Variants in CLEC16A observed in about 807,000 individuals in gnomAD.
The protein encoded by CLEC16A is protein CLEC16A.
Under a neutral mutation model 109.5 loss-of-function variants are expected in CLEC16A, and 51 were observed. The ratio of observed to expected loss-of-function variants is 0.47; its 90% CI spans 0.37 to 0.59. The LOEUF is 0.59. CLEC16A is among the 20% of genes least tolerant of loss of function. CLEC16A has a pLI of 0.00. For synonymous variants in CLEC16A, 673 were observed against 564.2 expected (o/e 1.19, Z -2.73); for missense variants, 1,339 against 1,394.0 (o/e 0.96, Z 0.63).
At chr16:11,102,656 C>G (rs1567320540) in intron 19 of CLEC16A, among the ~76,000 whole-genome samples, 1 of 152,206 alleles carries the variant, frequency 6.6e-6, no homozygotes, top group Non-Finnish European at 1.5e-5. Context: ...GGTCGGTTGC[C>G]CTGACTGAGG....
intron 11 of CLEC16A, among the ~76,000 whole-genome samples, chr16:11,006,185 C>T (rs534472651): frequency 8.5e-5 from 13 of 152,272 alleles, no homozygotes; most frequent in African/African-American, 1.9e-4. Context: ...GGGGCCAATG[C>T]TTGTGGGTAC....
intron 22 of CLEC16A, among the ~76,000 whole-genome samples, chr16:11,129,572 G>T (rs1213665904): frequency 6.6e-6 from 1 of 152,196 alleles, no homozygotes; most frequent in African/African-American, 2.4e-5. Flanking sequence ...CACACTTTGA[G>T]ACCCACTCCT....
At position 11,120,598 on chromosome 16, in the gene CLEC16A, C is replaced by T. The variant is rs2052332695; in HGVS notation, c.2117-17C>T. Reference sequence around the variant, plus strand: ...GCCAGACTGTGCCTCATTCTCTTCTCACCTTCCTCCTCCCAGATAACAGCG... The same window carrying T: ...GCCAGACTGTGCCTCATTCTCTTCTTACCTTCCTCCTCCCAGATAACAGCG... On this transcript the variant is annotated splice_polypyrimidine_tract_variant and intron_variant, in intron 19 of 23. Transcript: ENST00000409790. The T allele has an allele frequency of 5.0e-6, 8 of 1,600,528 alleles. No individual in the cohort carries two copies. Among genetic ancestry groups the T allele is most frequent in the Admixed American group, 1.7e-5 (1 of 59,206 alleles).
chr16:11,013,074 A>G (rs1195512292), intron 11 of CLEC16A, among the ~76,000 whole-genome samples: 1 of 152,158 alleles, frequency 6.6e-6, no homozygotes, highest in Non-Finnish European at 1.5e-5. Context: ...TAACATGTAC[A>G]TCTCTGGGAT....
intron 22 of CLEC16A, among the ~76,000 whole-genome samples, chr16:11,135,179 G>A (rs1035829352): frequency 6.6e-6 from 1 of 152,224 alleles, no homozygotes; most frequent in Non-Finnish European, 1.5e-5. Context: ...GCCTTCAAGT[G>A]GTGGGGCAGG....
chr16:11,011,078 G>C (rs1423332468), intron 11 of CLEC16A, among the ~76,000 whole-genome samples: 2 of 152,204 alleles, frequency 1.3e-5, no homozygotes, highest in Non-Finnish European at 2.9e-5. Context: ...GTGTTGCCCA[G>C]TTTCTGTATT....
At chr16:11,150,419 A>G (rs2054247904) in intron 22 of CLEC16A, 1 of 152,242 alleles carries the variant, frequency 6.6e-6, no homozygotes, top group Non-Finnish European at 1.5e-5. Flanking sequence ...TAGTATTCCA[A>G]AGCTTGGCTA....
At chr16:11,054,391 CGAT>C (rs1456873697) in intron 18 of CLEC16A, among the ~76,000 whole-genome samples, 1 of 152,240 alleles carries the variant, frequency 6.6e-6, no homozygotes, top group Non-Finnish European at 1.5e-5. Context: ...TGGCAGGTCT[CGAT>C]GATAGTCTTT....
chr16:11,086,924 AT>A (rs751703315), intron 19 of CLEC16A, among the ~76,000 whole-genome samples: 10 of 152,140 alleles, frequency 6.6e-5, no homozygotes, highest in African/African-American at 9.7e-5. Flanking sequence ...GGCACCAGGA[AT>A]CCTCAGGGGG....
chr16:11,020,224 G>C lies in CLEC16A; in HGVS notation c.1335G>C (p.Lys445Asn), dbSNP rs796504796. ...EIEMVIMERS[K>N]LSELAASTSV... ...AGATGGTGATCATGGAGCGTAGCAA[G>C]CTCTCAGAGCTGGCCGCCAGCACCT... Residue 445 changes from lysine (K) to asparagine (N), a missense_variant, in exon 12 of 24, where the codon AAG (lysine) becomes AAC (asparagine). By Grantham distance (94) the Lys-to-Asn change is moderately conservative. This residue lies in a region of CLEC16A where 1,061 missense variants were observed against 1,006.8 expected (regional missense o/e 1.05). Coordinates refer to ENST00000409790, the MANE Select transcript of CLEC16A (RefSeq NM_015226.3). 1 of 1,613,388 alleles carries C rather than the reference G, an allele frequency of 6.2e-7. No individual in the cohort carries two copies.
At chr16:10,962,174 A>G (rs2042279864) in intron 2 of CLEC16A, among the ~76,000 whole-genome samples, 1 of 151,706 alleles carries the variant, frequency 6.6e-6, no homozygotes, top group African/African-American at 2.4e-5. Context: ...TGGGTCTTGA[A>G]CTGGCCTCAA....
At chr16:11,109,605 C>T (rs1036203946) in intron 19 of CLEC16A, among the ~76,000 whole-genome samples, 1 of 152,216 alleles carries the variant, frequency 6.6e-6, no homozygotes, top group East Asian at 1.9e-4. Flanking sequence ...ATCCCTGGTA[C>T]CAGCGCAGAC....
intron 13 of CLEC16A, chr16:11,027,200 C>A: frequency 7.2e-7 from 1 of 1,396,642 alleles, no homozygotes; most frequent in Non-Finnish European, 1.0e-6. Flanking sequence ...TACATGATTA[C>A]TGGCAGCAGA....
At chr16:11,120,889 G>A in intron 20 of CLEC16A, 123 bp downstream of exon 20, 1 of 1,013,082 alleles carries the variant, frequency 9.9e-7, no homozygotes, top group Non-Finnish European at 1.3e-6. Flanking sequence ...ATTATACAAG[G>A]TATATGTGAA....
intron 19 of CLEC16A, among the ~76,000 whole-genome samples, chr16:11,096,522 A>G (rs2050618941): frequency 6.6e-6 from 1 of 152,154 alleles, no homozygotes; most frequent in South Asian, 2.1e-4. Context: ...CTGATTATAA[A>G]AGTATTATCT....
chr16:11,116,417 G>A (rs1414866738), intron 19 of CLEC16A, among the ~76,000 whole-genome samples: 1 of 151,364 alleles, frequency 6.6e-6, no homozygotes, highest in African/African-American at 2.4e-5. Context: ...GAAAAAAAAA[G>A]GTACAAATTC....
chr16:11,058,310 A>C (rs2048312615), intron 18 of CLEC16A, among the ~76,000 whole-genome samples: 1 of 152,230 alleles, frequency 6.6e-6, no homozygotes, highest in African/African-American at 2.4e-5. Context: ...GGGCTCCCCC[A>C]AGGATACCAA....
intron 7 of CLEC16A, among the ~76,000 whole-genome samples, chr16:10,973,958 G>A (rs549862563): frequency 7.5e-6 from 1 of 132,904 alleles, no homozygotes; most frequent in African/African-American, 2.9e-5. Flanking sequence ...GGAGTGCAGT[G>A]GTGCAATCTT....
chr16:10,966,725 C>A (rs548721386), intron 3 of CLEC16A, among the ~76,000 whole-genome samples: 57 of 152,268 alleles, frequency 3.7e-4, no homozygotes, highest in South Asian at 2.1e-3. Flanking sequence ...AAGGGGGAAG[C>A]CCCTTACAAA....
Sources: allele counts gnomAD v4.1 joint callset (sites outside exome capture counted in the v4.1 genomes callset), GRCh38; gene constraint gnomAD v4.1.1; regional missense constraint gnomAD v4.1.1; transcripts MANE v1.5; gene names NCBI Gene and HGNC (gene_info 2026-07-23, HGNC 2026-07-21).